NUP210L: variants seen among roughly 807,000 people sequenced by gnomAD.
The protein encoded by NUP210L is nuclear pore membrane glycoprotein 210-like.
Under a neutral mutation model 208.5 loss-of-function variants are expected in NUP210L, and 74 were observed. The observed-to-expected ratio is 0.35, with a 90% CI of 0.29 to 0.43. NUP210L has a LOEUF of 0.43. Among genes scored for constraint, NUP210L ranks in the 20% least tolerant of loss-of-function variants. NUP210L has a pLI of 1.00. For missense variants in NUP210L, 1,843 were observed against 2,289.4 expected, an observed-to-expected ratio of 0.81 and a Z score of 3.98; for synonymous variants, 780 against 816.9, an observed-to-expected ratio of 0.95 and a Z score of 0.77.
chr1:154,021,870 A>C (rs925344875), intron 32 of NUP210L, among the ~76,000 whole-genome samples: 1 of 152,150 alleles, frequency 6.6e-6, no homozygotes, highest in African/African-American at 2.4e-5. Flanking sequence ...ATAATAAAAT[A>C]CTCAAAATTA....
intron 35 of NUP210L, among the ~76,000 whole-genome samples, chr1:154,007,673 C>A (rs939141400): frequency 1.3e-5 from 2 of 148,446 alleles, no homozygotes; most frequent in African/African-American, 5.0e-5. Context: ...CCCGGGTTCA[C>A]GCCATTCTCC....
At chr1:154,146,605 G>C in intron 2 of NUP210L, among the ~76,000 whole-genome samples, 1 of 122,526 alleles carries the variant, frequency 8.2e-6, no homozygotes, top group Non-Finnish European at 1.6e-5. Context: ...GCAAGAGCAA[G>C]ATCCCATCCC....
intron 16 of NUP210L, among the ~76,000 whole-genome samples, chr1:154,074,454 C>G (rs1353587069): frequency 6.7e-6 from 1 of 149,860 alleles, no homozygotes; most frequent in African/African-American, 2.5e-5. Flanking sequence ...CTTCATTTTT[C>G]TCTTGTAACC....
Position 154,001,018 on chromosome 1 carries a change from G to T in NUP210L, c.5224C>A (p.His1742Asn), listed in dbSNP as rs201672171. The T allele has an allele frequency of 1.6e-4, 256 of 1,614,056 alleles. No individual in the cohort carries two copies. The highest frequency in any genetic ancestry group is 2.2e-4 in the Admixed American group (13 of 59,994). The stretch of plus-strand genomic sequence containing the variant: ...GCCAGGCCAGGAGTGAGGGGAGAGT[G>T]GCTATGGCCAGCGACCACTAGAACT... The change falls in exon 37 of 40, where the codon CAC becomes AAC. Residue 1742 changes from histidine (H) to asparagine (N), a missense_variant. Physicochemically the swap from His to Asn is moderately conservative, Grantham distance 68. Around this residue, in one of 5 missense-constraint regions of NUP210L, gnomAD observed 781 missense variants for 973.8 expected, o/e 0.80. Coordinates refer to ENST00000368559, the Ensembl canonical transcript of NUP210L.
At chr1:154,090,074 C>T (rs1013404670) in intron 15 of NUP210L, among the ~76,000 whole-genome samples, 4 of 150,852 alleles carry the variant, frequency 2.7e-5, no homozygotes, top group Non-Finnish European at 5.9e-5. Flanking sequence ...GAGACCCTGT[C>T]TAAAAAAAAA....
chr1:154,088,356 T>C (rs566244634), intron 16 of NUP210L, among the ~76,000 whole-genome samples: 1 of 151,670 alleles, frequency 6.6e-6, no homozygotes, highest in South Asian at 2.1e-4. Flanking sequence ...GAATATATGC[T>C]AGTGTATGTC....
intron 34 of NUP210L, among the ~76,000 whole-genome samples, chr1:154,010,447 C>T (rs1650842628): frequency 6.6e-6 from 1 of 152,048 alleles, no homozygotes; most frequent in Non-Finnish European, 1.5e-5. Context: ...GATTTTGGCT[C>T]ACTGCAACTT....
intron 21 of NUP210L, 139 bp from the exon 22 acceptor site, chr1:154,058,355 A>G: frequency 9.3e-7 from 1 of 1,071,408 alleles, no homozygotes; most frequent in Non-Finnish European, 1.3e-6. Context: ...AGCTTAATCT[A>G]TGTGTATTGT....
At chr1:154,042,775 C>T (rs1317249920) in intron 27 of NUP210L, among the ~76,000 whole-genome samples, 1 of 151,424 alleles carries the variant, frequency 6.6e-6, no homozygotes, top group Non-Finnish European at 1.5e-5. Flanking sequence ...GGCTGGAGTC[C>T]AGTGGTGCAA....
At chr1:154,140,666 C>CAAAAAAAAAAAAAAAAAAAAAA (rs1434093544) in intron 4 of NUP210L, among the ~76,000 whole-genome samples, 11 of 102,418 alleles carry the variant, frequency 1.1e-4, no homozygotes, top group Admixed American at 3.0e-4. Context: ...GACTCCATCT[C>CAAAAAAAAAAAAAAAAAAAAAA]AAAAAAAAAA....
intron 2 of NUP210L, among the ~76,000 whole-genome samples, chr1:154,144,320 A>AT (rs1279565029): frequency 1.3e-5 from 2 of 152,200 alleles, no homozygotes; most frequent in Admixed American, 6.5e-5. Context: ...TGTTTAGTAG[A>AT]TTTTTTAAAA....
intron 8 of NUP210L, among the ~76,000 whole-genome samples, chr1:154,128,590 C>A (rs888563845): frequency 6.6e-6 from 1 of 151,876 alleles, no homozygotes; most frequent in African/African-American, 2.4e-5. Context: ...GTGGTTCACA[C>A]CTCTAATTCT....
At chr1:154,029,795 A>G in intron 28 of NUP210L, 101 bp downstream of exon 28, 1 of 899,552 alleles carries the variant, frequency 1.1e-6, no homozygotes, top group Non-Finnish European at 1.7e-6. Flanking sequence ...CGCTCTAACA[A>G]TTATCTGTCT....
At position 154,058,095 on chromosome 1, in the gene NUP210L, G is replaced by T. The variant is rs370684687; in HGVS notation, c.3101C>A (p.Thr1034Asn). ...GTATTGAAATGGTACTTACGTCAGG[G>T]TGACAATGGCAGAAGCCAACTGCAG... is the stretch of plus-strand genomic sequence containing the variant. Residue 1034 changes from threonine to asparagine, a missense_variant, in exon 22 of 40, where the codon ACC becomes AAC. Coordinates refer to ENST00000368559, the Ensembl canonical transcript of NUP210L. 7.4e-6 allele frequency: 12 copies of T among 1,613,984 alleles called. No individual in the cohort carries two copies. In the Middle Eastern group the frequency reaches 4.9e-4, roughly 66 times the overall value.
chr1:153,992,959 G>T, intron 39 of NUP210L, 24 bp from the exon 40 acceptor site: 1 of 1,608,082 alleles, frequency 6.2e-7, no homozygotes. Context: ...GAAAAGTTGA[G>T]TGAATTAAAC....
chr1:154,074,321 A>T (rs1474194039), intron 16 of NUP210L, among the ~76,000 whole-genome samples: 1 of 152,024 alleles, frequency 6.6e-6, no homozygotes, highest in African/African-American at 2.4e-5. Context: ...TAATTCTATG[A>T]TTCATTTTAT....
chr1:154,020,977 C>T (rs895327813), intron 32 of NUP210L, among the ~76,000 whole-genome samples: 1 of 151,824 alleles, frequency 6.6e-6, no homozygotes, highest in Non-Finnish European at 1.5e-5. Context: ...GAGTCTCACT[C>T]TGTTGCCAGG....
intron 29 of NUP210L, 98 bp from the exon 30 acceptor site, chr1:154,025,814 C>T (rs1651846914): frequency 3.1e-6 from 3 of 976,346 alleles, no homozygotes; most frequent in South Asian, 1.9e-5. Context: ...GGGATGTACT[C>T]GAGAAAACTG....
intron 9 of NUP210L, 54 bp from the exon 10 acceptor site, chr1:154,126,517 G>A (rs1571305694): frequency 6.8e-7 from 1 of 1,481,242 alleles, no homozygotes; most frequent in East Asian, 2.3e-5. Context: ...TTTCCCTGAA[G>A]TCATCTTAAT....
Sources: gnomAD v4.1 joint callset for allele counts (sites outside exome capture counted in the v4.1 genomes callset) on GRCh38, gnomAD v4.1.1 for gene constraint, gnomAD v4.1.1 regional missense constraint, MANE v1.5 for transcripts, NCBI Gene and HGNC (gene_info 2026-07-23, HGNC 2026-07-21) for gene names.